SCP2: variants seen among roughly 807,000 people sequenced by gnomAD.
The protein encoded by SCP2 is sterol carrier protein 2.
In SCP2, 48 loss-of-function variants were observed where a neutral mutation model predicts 71.4. The observed-to-expected ratio is 0.67, with a 90% CI of 0.53 to 0.86. The LOEUF (loss-of-function observed/expected upper bound fraction) is 0.86. Among genes scored for constraint, SCP2 ranks in the 40% least tolerant of loss-of-function variants. The probability of loss-of-function intolerance (pLI) is 0.00; values close to 1 mark genes in which losing one functional copy is unlikely to be tolerated. For synonymous variants in SCP2, 220 were observed against 218.1 expected (o/e 1.01, Z -0.08); for missense variants, 560 against 655.6 (o/e 0.85, Z 1.59).
intron 11 of SCP2, among the ~76,000 whole-genome samples, chr1:53,011,074 A>G (rs1428712902): frequency 6.6e-6 from 1 of 152,230 alleles, no homozygotes; most frequent in Non-Finnish European, 1.5e-5. Flanking sequence ...ATAAATATAC[A>G]TTCTTCAGTG....
intron 11 of SCP2, 70 bp downstream of exon 11, chr1:52,988,206 C>A: frequency 1.3e-6 from 1 of 798,916 alleles, no homozygotes; most frequent in South Asian, 1.4e-5. Flanking sequence ...GTTAGTCTTT[C>A]ATTTGAATGA....
rs147135831 is a variant in SCP2, at chr1:52,995,533, C to G, written c.1081+7397C>G. 13 of 445,316 alleles carry G rather than the reference C, an allele frequency of 2.9e-5. No individual in the cohort carries two copies. In the East Asian group the frequency reaches 6.5e-4, roughly 22 times the overall value. 27.6% of individuals were successfully genotyped at this position (445,316 alleles called of 1,614,324 possible). ...CTTCATGGCTGGCTTTGCCCTCTCA[C>G]CAGCTGTGGAAGCTAGCAGCATCGA... On this transcript the variant is annotated intron_variant, in intron 11 of 15. Transcript: ENST00000371514.
At chr1:53,040,848 C>T (rs895628060) in intron 14 of SCP2, among the ~76,000 whole-genome samples, 1 of 152,180 alleles carries the variant, frequency 6.6e-6, no homozygotes, top group African/African-American at 2.4e-5. Context: ...TTGTCCATCT[C>T]TCTCACTTGA....
At chr1:52,927,705 A>G (rs941946978) in intron 1 of SCP2, among the ~76,000 whole-genome samples, 3 of 152,046 alleles carry the variant, frequency 2.0e-5, no homozygotes, top group Non-Finnish European at 2.9e-5. Context: ...GCCCCGAGAT[A>G]ATCCAAGGAT....
intron 5 of SCP2, among the ~76,000 whole-genome samples, chr1:52,956,902 CTTTTTT>C (rs370787153): frequency 0.058 from 6,179 of 105,762 alleles, 116 homozygotes; most frequent in East Asian, 0.19. Context: ...CTCCTTCTGC[CTTTTTT>C]TTTTTTTTTT....
At chr1:52,949,276 CT>C (rs1339676029) in intron 3 of SCP2, among the ~76,000 whole-genome samples, 1 of 152,164 alleles carries the variant, frequency 6.6e-6, no homozygotes, top group African/African-American at 2.4e-5. Flanking sequence ...AGATCCCTAA[CT>C]TTCCTGATTT....
intron 11 of SCP2, chr1:52,993,761 C>T (rs975838825): frequency 3.3e-5 from 53 of 1,592,560 alleles, no homozygotes; most frequent in Non-Finnish European, 1.8e-5. Context: ...CATGCCTCCT[C>T]AATAATATTC....
chr1:53,039,847 A>C (rs1663295559), intron 14 of SCP2, among the ~76,000 whole-genome samples: 1 of 152,208 alleles, frequency 6.6e-6, no homozygotes, highest in East Asian at 1.9e-4. Context: ...TACAAGGTAT[A>C]CATCCAGCTG....
intron 2 of SCP2, among the ~76,000 whole-genome samples, chr1:52,946,703 GATT>G (rs1262931459): frequency 6.7e-6 from 1 of 150,032 alleles, no homozygotes; most frequent in Non-Finnish European, 1.5e-5. Context: ...TATAATAATT[GATT>G]ATTATAATTA....
chr1:52,960,894 A>G (rs1328138668), intron 5 of SCP2, among the ~76,000 whole-genome samples: 1 of 151,262 alleles, frequency 6.6e-6, no homozygotes, highest in Non-Finnish European at 1.5e-5. Context: ...CTGGGACTGT[A>G]GGTGCATACC....
Position 52,976,879 on chromosome 1 carries a change from C to T in SCP2, c.674+110C>T, listed in dbSNP as rs138646292. The T allele has an allele frequency of 2.6e-4, 185 of 707,592 alleles. 1 individual carries two copies. The East Asian group carries it at 4.7e-3, about 18-fold the overall frequency. 43.8% of individuals were successfully genotyped at this position (707,592 alleles called of 1,614,324 possible). The stretch of plus-strand genomic sequence containing the variant: ...GCATCTGGGCGGAGCTTTCACAGAA[C>T]TCCTCCCAGTGCCGTCCCCACTCTG... On this transcript the variant is annotated intron_variant, in intron 8 of 15. Transcript: ENST00000371514.
At chr1:52,966,045 A>C (rs2150150087) in intron 6 of SCP2, among the ~76,000 whole-genome samples, 1 of 152,242 alleles carries the variant, frequency 6.6e-6, no homozygotes, top group African/African-American at 2.4e-5. Flanking sequence ...AGGGGTTTCC[A>C]CATATGCAGC....
At chr1:52,972,735 G>T (rs1657604514) in intron 6 of SCP2, among the ~76,000 whole-genome samples, 1 of 152,134 alleles carries the variant, frequency 6.6e-6, no homozygotes, top group Non-Finnish European at 1.5e-5. Flanking sequence ...GACAGAAAAA[G>T]CCTATTTTAC....
intron 6 of SCP2, among the ~76,000 whole-genome samples, chr1:52,970,310 T>G (rs1414596395): frequency 6.6e-6 from 1 of 152,138 alleles, no homozygotes; most frequent in Non-Finnish European, 1.5e-5. Flanking sequence ...TCTTTTTAGG[T>G]GCAATCATGG....
At chr1:52,972,203 TTG>T (rs1273876872) in intron 6 of SCP2, among the ~76,000 whole-genome samples, 4 of 152,218 alleles carry the variant, frequency 2.6e-5, no homozygotes, top group African/African-American at 9.7e-5. Context: ...TTTAAATCAT[TTG>T]TAGAACCAGC....
chr1:52,946,284 A>G (rs1338816330), intron 2 of SCP2, among the ~76,000 whole-genome samples: 3 of 151,936 alleles, frequency 2.0e-5, no homozygotes, highest in Non-Finnish European at 4.4e-5. Flanking sequence ...GCTAGAGTGC[A>G]GTGGTGAGAT....
chr1:52,993,325 C>A (rs375849525), intron 11 of SCP2: 58 of 1,614,186 alleles, frequency 3.6e-5, no homozygotes, highest in Middle Eastern at 1.6e-4. Flanking sequence ...GATCTACATT[C>A]ATCCTAATCT....
intron 1 of SCP2, among the ~76,000 whole-genome samples, chr1:52,932,974 T>TAA (rs1280441344): frequency 6.6e-6 from 1 of 152,220 alleles, no homozygotes; most frequent in Non-Finnish European, 1.5e-5. Flanking sequence ...CTTTAATTAG[T>TAA]ATTTCATCTT....
intron 4 of SCP2, 95 bp from the exon 5 acceptor site, chr1:52,954,645 C>T: frequency 2.0e-6 from 2 of 1,018,486 alleles, no homozygotes; most frequent in Non-Finnish European, 3.1e-6. Flanking sequence ...CCATTGTGTG[C>T]TCACTTGACG....
Sources: allele counts gnomAD v4.1 joint callset (sites outside exome capture counted in the v4.1 genomes callset), GRCh38; gene constraint gnomAD v4.1.1; transcripts MANE v1.5; gene names NCBI Gene and HGNC (gene_info 2026-07-23, HGNC 2026-07-21).